ITPR2: variants seen among roughly 807,000 people sequenced by gnomAD.
ITPR2 encodes the protein inositol 1,4,5-trisphosphate receptor type 2.
ITPR2 carries 207 observed loss-of-function variants against 317.1 expected under a neutral mutation model. The ratio of observed to expected loss-of-function variants is 0.65; its 90% confidence interval spans 0.58 to 0.73. The LOEUF is 0.73. Among genes scored for constraint, ITPR2 ranks in the 30% least tolerant of loss-of-function variants. The pLI is 0.00. For missense variants in ITPR2, 2,613 were observed against 3,284.0 expected, an observed-to-expected ratio of 0.80 and a Z score of 4.99; for synonymous variants, 1,156 against 1,149.1, an observed-to-expected ratio of 1.01 and a Z score of -0.12.
chr12:26,736,243 T>C (rs950437378), intron 2 of ITPR2, among the ~76,000 whole-genome samples: 3 of 152,064 alleles, frequency 2.0e-5, no homozygotes, highest in Non-Finnish European at 2.9e-5. Context: ...GAGAGGTCCA[T>C]GAGGGTGAAG....
intron 15 of ITPR2, among the ~76,000 whole-genome samples, chr12:26,662,833 C>G (rs1213078811): frequency 3.3e-5 from 5 of 152,038 alleles, no homozygotes; most frequent in African/African-American, 1.2e-4. Flanking sequence ...CCACCACACC[C>G]AGGTATTTTT....
intron 1 of ITPR2, among the ~76,000 whole-genome samples, chr12:26,826,781 A>G (rs1951015294): frequency 6.6e-6 from 1 of 152,066 alleles, no homozygotes; most frequent in South Asian, 2.1e-4. Context: ...CACACTTTTC[A>G]TTTACGAACC....
chr12:26,765,287 A>T (rs1949700277), intron 2 of ITPR2, among the ~76,000 whole-genome samples: 1 of 152,114 alleles, frequency 6.6e-6, no homozygotes, highest in Non-Finnish European at 1.5e-5. Context: ...AAAGTGTATC[A>T]TTGAATGTGT....
chr12:26,482,905 A>G (rs1942577959), intron 42 of ITPR2, among the ~76,000 whole-genome samples: 1 of 152,154 alleles, frequency 6.6e-6, no homozygotes, highest in African/African-American at 2.4e-5. Context: ...CTTTTTTAAT[A>G]TTTATATCCA....
At chr12:26,643,228 G>A (rs931222497) in intron 21 of ITPR2, among the ~76,000 whole-genome samples, 1 of 152,168 alleles carries the variant, frequency 6.6e-6, no homozygotes, top group Admixed American at 6.5e-5. Context: ...AGAAATAAAT[G>A]TTTGTTGTTT....
At position 26,387,377 on chromosome 12, in the gene ITPR2, A is replaced by C. The variant is rs935794972; in HGVS notation, c.7857+57T>G. ...TTTTGGGAGGATGGTAGGGTAGAGA[A>C]GATGAAAGCCTAAAAGATACAATAT... On this transcript the variant is annotated intron_variant, in intron 55 of 56. Transcript: ENST00000381340. 5 of 1,511,140 alleles carry C rather than the reference A, an allele frequency of 3.3e-6. No homozygotes were observed. In the African/African-American group the frequency reaches 6.9e-5, roughly 21 times the overall value. The allele number at this position is 1,511,140 out of a possible 1,614,324, so 93.6% of individuals were successfully genotyped here. A position where few individuals can be genotyped will look rare whatever the true frequency, so the allele number is the denominator to read the frequency against.
chr12:26,767,823 G>A (rs1296944846), intron 2 of ITPR2, among the ~76,000 whole-genome samples: 10 of 151,882 alleles, frequency 6.6e-5, no homozygotes, highest in Admixed American at 1.3e-4. Flanking sequence ...ATAATCCTGC[G>A]ATAAACATCT....
intron 48 of ITPR2, 56 bp downstream of exon 48, chr12:26,436,162 TTAA>T: frequency 7.0e-7 from 1 of 1,428,932 alleles, no homozygotes; most frequent in Non-Finnish European, 9.3e-7. Flanking sequence ...TTTTGAAGCT[TTAA>T]ATAGTTAAGT....
intron 2 of ITPR2, among the ~76,000 whole-genome samples, chr12:26,778,639 T>G (rs537334167): frequency 6.6e-6 from 1 of 152,250 alleles, no homozygotes; most frequent in East Asian, 1.9e-4. Flanking sequence ...CTTTGTTCCA[T>G]AATCTTATTC....
At chr12:26,605,304 T>A (rs1946107559) in intron 26 of ITPR2, among the ~76,000 whole-genome samples, 1 of 151,892 alleles carries the variant, frequency 6.6e-6, no homozygotes, top group African/African-American at 2.4e-5. Context: ...TGATGAGAAG[T>A]AGAAACTGCA....
chr12:26,364,756 A>G (rs1591965047), intron 55 of ITPR2, among the ~76,000 whole-genome samples: 1 of 152,164 alleles, frequency 6.6e-6, no homozygotes, highest in African/African-American at 2.4e-5. Flanking sequence ...TTGTTAAATC[A>G]ATGCATAGGT....
At position 26,496,740 on chromosome 12, in the gene ITPR2, G is replaced by A. The variant is rs539966691; in HGVS notation, c.5074-1480C>T. On this transcript the variant is annotated intron_variant, in intron 37 of 56. Transcript: ENST00000381340. ...GGGCAGATCACGAGGTCAGGAGATA[G>A]AGACTATCCTGGCTAACACAGTGAA... Among the ~76,000 whole-genome samples the A allele has an allele frequency of 2.6e-5, 4 of 152,018 alleles. No individual in the cohort carries two copies. The South Asian group carries it at 8.3e-4, about 32-fold the overall frequency.
At chr12:26,394,895 A>T (rs905876799) in intron 54 of ITPR2, among the ~76,000 whole-genome samples, 1 of 152,082 alleles carries the variant, frequency 6.6e-6, no homozygotes, top group Non-Finnish European at 1.5e-5. Flanking sequence ...GATGCTAAAC[A>T]TGATGGTGTG....
At chr12:26,486,680 T>A in intron 40 of ITPR2, 1 of 520,368 alleles carries the variant, frequency 1.9e-6, no homozygotes, top group Non-Finnish European at 3.6e-6. Flanking sequence ...AATGTCTTTA[T>A]GATTTGTATT....
At chr12:26,653,933 C>T (rs754744285) in intron 21 of ITPR2, 43 bp downstream of exon 21, 1 of 1,535,464 alleles carries the variant, frequency 6.5e-7, no homozygotes, top group Admixed American at 1.8e-5. Context: ...ATCTTACTTC[C>T]AAGTAATAAC....
intron 49 of ITPR2, among the ~76,000 whole-genome samples, chr12:26,424,890 G>GCCT (rs1941009539): frequency 6.6e-6 from 1 of 152,014 alleles, no homozygotes; most frequent in South Asian, 2.1e-4. Flanking sequence ...CTCTGGAGTA[G>GCCT]CTGGGACTAC....
intron 54 of ITPR2, among the ~76,000 whole-genome samples, chr12:26,388,910 T>A (rs1939748518): frequency 6.6e-6 from 1 of 152,192 alleles, no homozygotes; most frequent in Admixed American, 6.6e-5. Flanking sequence ...CCCCTTTTAT[T>A]CGATGGCAGC....
rs57612774 is a variant in ITPR2 at position 26,491,482 on chromosome 12, CAAAAAAAAAAAAAA to C, written c.5370+2657_5370+2670del. Among the ~76,000 whole-genome samples the C allele has an allele frequency of 1.3e-3, 76 of 57,868 alleles. 1 individual carries two copies. The highest frequency in any genetic ancestry group is 4.9e-3 in the African/African-American group (68 of 13,746). 38.0% of individuals were successfully genotyped at this position (57,868 alleles called of 152,430 possible). ...TGGGCCACAGAGCAAGACTCCATCT[CAAAAAAAAAAAAAA>C]AAAAAAAAAAAAGGCATCTTTGAAG... On this transcript the variant is annotated intron_variant, in intron 39 of 56. Transcript: ENST00000381340.
chr12:26,786,563 A>G (rs1950255442), intron 2 of ITPR2, among the ~76,000 whole-genome samples: 1 of 152,192 alleles, frequency 6.6e-6, no homozygotes, highest in Non-Finnish European at 1.5e-5. Context: ...GTTTCTATCG[A>G]AAAATGGCTG....
Sources: gnomAD v4.1 joint callset for allele counts (sites outside exome capture counted in the v4.1 genomes callset) on GRCh38, gnomAD v4.1.1 for gene constraint, MANE v1.5 for transcripts, NCBI Gene and HGNC (gene_info 2026-07-23, HGNC 2026-07-21) for gene names.